ARSG: variants seen among roughly 807,000 people sequenced by gnomAD.
ARSG encodes the protein arylsulfatase G.
In ARSG, 37 loss-of-function variants were observed where a neutral mutation model predicts 50.5. The observed-to-expected ratio is 0.73, with a 90% CI of 0.56 to 0.96. The LOEUF is 0.96. Ranked by LOEUF, ARSG falls within the 50% of genes least tolerant of loss-of-function variation. The pLI, the probability that ARSG is intolerant of heterozygous loss-of-function variation, is 0.00. For missense variants in ARSG, 629 were observed against 675.3 expected, an observed-to-expected ratio of 0.93 and a Z score of 0.76; for synonymous variants, 225 against 254.6, an observed-to-expected ratio of 0.88 and a Z score of 1.11.
intron 2 of ARSG, among the ~76,000 whole-genome samples, chr17:68,334,165 C>G (rs1808709861): frequency 6.6e-6 from 1 of 152,124 alleles, no homozygotes; most frequent in South Asian, 2.1e-4. Context: ...GGATCAATGG[C>G]CTGCTTCTAA....
At position 68,394,214 on chromosome 17, in the gene ARSG, G is replaced by A. The variant is rs147506544; in HGVS notation, c.1092-859G>A. Among the ~76,000 whole-genome samples, 277 of 152,240 alleles carry A rather than the reference G, an allele frequency of 1.8e-3. 2 individuals carry two copies. The highest frequency in any genetic ancestry group is 6.4e-3 in the African/African-American group (265 of 41,536). Reference sequence around the variant, plus strand: ...AGAAATTTGTGCTAATTTTGCTGTTGCACCTCAAACTGCAAAAGTTATGGC... The same window carrying A: ...AGAAATTTGTGCTAATTTTGCTGTTACACCTCAAACTGCAAAAGTTATGGC... On this transcript the variant is annotated intron_variant, in intron 9 of 11. Coordinates refer to ENST00000621439, the MANE Select transcript of ARSG (RefSeq NM_001267727.2).
intron 1 of ARSG, among the ~76,000 whole-genome samples, chr17:68,292,083 G>A (rs1555756415): frequency 6.6e-6 from 1 of 152,086 alleles, no homozygotes; most frequent in African/African-American, 2.4e-5. Context: ...GAGTGTCGCA[G>A]TGGGCCCCAG....
chr17:68,422,777 T>C (rs1194367663), downstream of ARSG: 1 of 150,466 alleles, frequency 6.6e-6, no homozygotes, highest in Admixed American at 6.6e-5. Context: ...TTTATACCCT[T>C]GGGCCTGATT....
At chr17:68,306,129 A>G (rs1291792616) in intron 1 of ARSG, among the ~76,000 whole-genome samples, 1 of 151,864 alleles carries the variant, frequency 6.6e-6, no homozygotes, top group African/African-American at 2.4e-5. Context: ...CAGCCTCCCA[A>G]GTAGCTGGGA....
chr17:68,436,562 A>C, the ARSG span: 1 of 1,273,600 alleles, frequency 7.9e-7, no homozygotes, highest in Admixed American at 1.9e-5. Context: ...AAAACAGTAC[A>C]GCTACAGTGC....
rs782604951 is a variant in ARSG, at chr17:68,271,134, G to A, written c.-552+11708G>A. 6.1e-5 allele frequency: 98 copies of A among 1,614,010 alleles called. No homozygotes were observed. Among genetic ancestry groups the A allele is most frequent in the Non-Finnish European group, 7.2e-5 (85 of 1,180,044 alleles). Reference sequence around the variant, plus strand: ...GGACAAAACCAGCTCCGATCCTTCCGAAAACTTCTGCAATGGCCATCGTAG... The same window carrying A: ...GGACAAAACCAGCTCCGATCCTTCCAAAAACTTCTGCAATGGCCATCGTAG... On this transcript the variant is annotated intron_variant, in intron 1 of 11. Coordinates refer to the ARSG transcript ENST00000448504. The surrounding 1 kb of genome is among the most constrained non-coding windows in gnomAD (Gnocchi z 5.3).
chr17:68,284,481 G>T (rs1471688115), intron 1 of ARSG, among the ~76,000 whole-genome samples: 1 of 152,150 alleles, frequency 6.6e-6, no homozygotes, highest in East Asian at 1.9e-4. Flanking sequence ...TCAGGGTCAG[G>T]GTGCATTATA....
chr17:68,414,818 C>T (rs2082266941), intron 11 of ARSG, among the ~76,000 whole-genome samples: 1 of 152,078 alleles, frequency 6.6e-6, no homozygotes, highest in Non-Finnish European at 1.5e-5. Context: ...AGTTTAAATG[C>T]AAAGGTGTTC....
At chr17:68,388,251 A>G (rs11656695) in intron 9 of ARSG, among the ~76,000 whole-genome samples, 15,579 of 152,072 alleles carry the variant, frequency 0.1, 1,563 homozygotes, top group African/African-American at 0.24. Context: ...GGCTTTCCCA[A>G]CCGTGGCGTG....
chr17:68,435,034 C>T, the ARSG span, among the ~76,000 whole-genome samples: 1 of 152,040 alleles, frequency 6.6e-6, no homozygotes, highest in South Asian at 2.1e-4. Context: ...AAGTGAAACC[C>T]CGTCTCCACT....
At chr17:68,385,205 G>A (rs1265610559) in intron 9 of ARSG, 33 bp downstream of exon 9, 3 of 1,595,694 alleles carry the variant, frequency 1.9e-6, no homozygotes, top group African/African-American at 1.3e-5. Flanking sequence ...AGATGTTGGG[G>A]CCCAGAGCAA....
Position 68,420,472 on chromosome 17 carries a change from T to C in ARSG, c.*9T>C. On this transcript the variant is annotated 3_prime_UTR_variant, in exon 12 of 12. Coordinates refer to ENST00000621439, the MANE Select transcript of ARSG (RefSeq NM_001267727.2). ...GCTGTCAAGCCGCATAACAGACCAATTTTTATTCCACGAGGAGGAGTACCT... is the reference window on the plus strand; with the variant it reads ...GCTGTCAAGCCGCATAACAGACCAACTTTTATTCCACGAGGAGGAGTACCT... 6.2e-7 allele frequency: 1 copy of C among 1,603,084 alleles called. No individual in the cohort carries two copies. Among genetic ancestry groups the C allele is most frequent in the Non-Finnish European group, 8.5e-7 (1 of 1,172,000 alleles).
intron 3 of ARSG, chr17:68,346,616 G>A: frequency 1.3e-6 from 1 of 749,178 alleles, no homozygotes; most frequent in Non-Finnish European, 1.8e-6. Context: ...GGGTGTCTGA[G>A]TTTCCTCATT....
intron 1 of ARSG, among the ~76,000 whole-genome samples, chr17:68,292,601 T>G (rs2076051559): frequency 6.6e-6 from 1 of 152,194 alleles, no homozygotes; most frequent in Non-Finnish European, 1.5e-5. Flanking sequence ...AGAATGTGGT[T>G]CTGATGTCAG....
intron 11 of ARSG, among the ~76,000 whole-genome samples, chr17:68,418,511 A>G (rs1490298327): frequency 6.7e-6 from 1 of 148,702 alleles, no homozygotes; most frequent in African/African-American, 2.5e-5. Flanking sequence ...AGTAATAAAA[A>G]AGGGTTGTCT....
At chr17:68,437,012 A>G in the ARSG span, among the ~76,000 whole-genome samples, 14,809 of 81,768 alleles carry the variant, frequency 0.18, 846 homozygotes, top group South Asian at 0.34. Flanking sequence ...AAAAATATAT[A>G]TATATGTGTG....
chr17:68,376,277 A>AGGTTTT, intron 8 of ARSG, among the ~76,000 whole-genome samples: 1 of 125,056 alleles, frequency 8.0e-6, no homozygotes, highest in African/African-American at 3.0e-5. Flanking sequence ...CGCCCCCTGC[A>AGGTTTT]TTTTTTTTTT....
At chr17:68,430,079 C>G in the ARSG span, 3 of 1,614,188 alleles carry the variant, frequency 1.9e-6, no homozygotes, top group East Asian at 6.7e-5. Context: ...TCATGTCTGA[C>G]ACCTGGGTAG....
intron 2 of ARSG, among the ~76,000 whole-genome samples, chr17:68,338,159 C>T (rs767555788): frequency 2.4e-4 from 37 of 152,044 alleles, no homozygotes; most frequent in East Asian, 1.9e-4. Context: ...TACTTTCCTC[C>T]GTTCACATTG....
Sources: gnomAD v4.1 joint callset for allele counts (sites outside exome capture counted in the v4.1 genomes callset) on GRCh38, gnomAD v4.1.1 for gene constraint, Gnocchi (gnomAD v3.1) non-coding constraint, MANE v1.5 for transcripts, NCBI Gene and HGNC (gene_info 2026-07-23, HGNC 2026-07-21) for gene names.